The following ZNF16 variants were observed in gnomAD, a reference collection of about 807,000 sequenced individuals.
The protein encoded by ZNF16 is zinc finger protein 16, also known as zinc finger protein KOX9.
Under a neutral mutation model 9.0 loss-of-function variants are expected in ZNF16, and 7 were observed. The ratio of observed to expected loss-of-function variants is 0.78; its 90% confidence interval spans 0.44 to 1.47. The LOEUF is 1.47. Ranked by LOEUF, ZNF16 falls within the 40% of genes most tolerant of loss-of-function variation. The pLI, the probability that ZNF16 is intolerant of heterozygous loss-of-function variation, is 0.01. For missense variants in ZNF16, 830 were observed against 854.2 expected, an observed-to-expected ratio of 0.97 and a Z score of 0.35; for synonymous variants, 312 against 301.5, an observed-to-expected ratio of 1.03 and a Z score of -0.36.
At chr8:144,938,336 C>T (rs1833730556) in intron 2 of ZNF16, among the ~76,000 whole-genome samples, 1 of 152,230 alleles carries the variant, frequency 6.6e-6, no homozygotes, top group Non-Finnish European at 1.5e-5. Flanking sequence ...GGCATTGAAT[C>T]TGTAGAACAC....
intron 2 of ZNF16, among the ~76,000 whole-genome samples, chr8:144,936,581 G>A (rs141625634): frequency 1.3e-5 from 2 of 152,208 alleles, no homozygotes; most frequent in Non-Finnish European, 2.9e-5. Context: ...ACATCCTAAT[G>A]AATGTGAAAT....
intron 1 of ZNF16, among the ~76,000 whole-genome samples, chr8:144,950,165 T>C (rs1586964372): frequency 1.3e-5 from 2 of 151,768 alleles, no homozygotes; most frequent in South Asian, 4.1e-4. Flanking sequence ...TTAAACTTAA[T>C]TATGGCACAG....
chr8:144,943,228 C>T (rs549513061), intron 2 of ZNF16, among the ~76,000 whole-genome samples: 1 of 152,172 alleles, frequency 6.6e-6, no homozygotes, highest in Non-Finnish European at 1.5e-5. Flanking sequence ...AAATCTTACC[C>T]AGAACCCCTT....
chr8:144,941,082 G>T (rs1228698216), intron 2 of ZNF16, among the ~76,000 whole-genome samples: 1 of 152,168 alleles, frequency 6.6e-6, no homozygotes, highest in East Asian at 1.9e-4. Context: ...CGTCCATTAG[G>T]TCTAGTTGGG....
intron 2 of ZNF16, among the ~76,000 whole-genome samples, chr8:144,934,978 A>G (rs552265146): frequency 1.8e-4 from 28 of 152,238 alleles, no homozygotes; most frequent in African/African-American, 6.0e-4. Context: ...AGAGATGGCG[A>G]CCATGAGGAA....
intron 2 of ZNF16, 63 bp downstream of exon 2, chr8:144,945,948 A>G (rs750466119): frequency 2.5e-6 from 4 of 1,592,986 alleles, no homozygotes; most frequent in South Asian, 1.1e-5. Flanking sequence ...GGGTAAGCAC[A>G]GGGTTCCATG....
chr8:144,940,566 C>T (rs913655264), intron 2 of ZNF16, among the ~76,000 whole-genome samples: 1 of 152,162 alleles, frequency 6.6e-6, no homozygotes, highest in African/African-American at 2.4e-5. Flanking sequence ...AGAGAAGATA[C>T]TTTGTGTAAT....
At chr8:144,949,869 C>T (rs1039758435) in intron 1 of ZNF16, among the ~76,000 whole-genome samples, 8 of 152,166 alleles carry the variant, frequency 5.3e-5, no homozygotes, top group Non-Finnish European at 7.3e-5. Flanking sequence ...CCCAGCCCAA[C>T]GCCCGTAAAG....
chr8:144,934,349 G>A (rs1300533243), intron 2 of ZNF16, among the ~76,000 whole-genome samples: 6 of 152,240 alleles, frequency 3.9e-5, no homozygotes, highest in Non-Finnish European at 8.8e-5. Context: ...CTCTCCCACA[G>A]AGCTGCCCTA....
chr8:144,949,620 T>A (rs1478499840), intron 1 of ZNF16, among the ~76,000 whole-genome samples: 2 of 152,220 alleles, frequency 1.3e-5, no homozygotes, highest in Non-Finnish European at 2.9e-5. Flanking sequence ...ACATGTGTTG[T>A]ATGGAATCAA....
In ZNF16 at chr8:144,931,661, G is replaced by C. The variant is rs1833545705; in HGVS notation, c.1126C>G (p.Pro376Ala). Residue 376 changes from proline to alanine, a missense_variant, in exon 3 of 3, where the codon CCT (proline) becomes GCT (alanine). Physicochemically the swap from Pro to Ala is conservative, Grantham distance 27 (BLOSUM62 -1). Transcript: ENST00000394909. ...KHHRTHTGEK[P>A]FECGECGKAF... Reference sequence around the variant, plus strand: ...TTCCCACACTCGCCACACTCAAAAGGCTTCTCTCCTGTGTGAGTCCTGTGG... The same window carrying C: ...TTCCCACACTCGCCACACTCAAAAGCCTTCTCTCCTGTGTGAGTCCTGTGG... The C allele has an allele frequency of 1.2e-5, 20 of 1,613,692 alleles. No individual in the cohort carries two copies. Among genetic ancestry groups the C allele is most frequent in the Non-Finnish European group, 1.7e-5 (20 of 1,179,918 alleles).
intron 2 of ZNF16, among the ~76,000 whole-genome samples, chr8:144,936,233 C>T (rs1030362541): frequency 1.9e-4 from 29 of 152,186 alleles, no homozygotes; most frequent in African/African-American, 5.3e-4. Flanking sequence ...GGTTTATCCG[C>T]GTGTAGCAGG....
At position 144,932,046 on chromosome 8, in the gene ZNF16, G is replaced by A; in HGVS notation, c.741C>T (p.Ser247=). The change falls in exon 3 of 3, where the codon AGC becomes AGT. Residue 247 remains serine (S), a synonymous_variant. Coordinates refer to ENST00000394909, the MANE Select transcript of ZNF16 (RefSeq NM_006958.3). This position sits in a 1 kb window ranked among gnomAD's most constrained non-coding sequence, Gnocchi z 5.0. The stretch of plus-strand genomic sequence containing the variant: ...GACGGTTTTTAAGAACTGAGTTCTG[G>A]CTGAAGGTTTTCCCACAATCATCAC... The part of the protein sequence containing the change: ...FMCDDCGKTF[S]QNSVLKNRHR... The A allele has an allele frequency of 6.2e-7, 1 of 1,614,130 alleles. No individual in the cohort carries two copies. Among genetic ancestry groups the A allele is most frequent in the Non-Finnish European group, 8.5e-7 (1 of 1,180,030 alleles).
intron 2 of ZNF16, among the ~76,000 whole-genome samples, chr8:144,940,180 G>A (rs1436205802): frequency 6.6e-6 from 1 of 152,016 alleles, no homozygotes; most frequent in Admixed American, 6.6e-5. Flanking sequence ...CTAAGCTTAG[G>A]TGATCTTCCT....
chr8:144,950,859 G>A lies in ZNF16; in HGVS notation c.-72C>T, dbSNP rs1834101273. On this transcript the variant is annotated 5_prime_UTR_variant, in exon 1 of 3. Coordinates refer to ENST00000394909, the MANE Select transcript of ZNF16 (RefSeq NM_006958.3). Reference sequence around the variant, plus strand: ...GCACGAAGACGTCTCAGCCAACGCCGGCTGACCCCCGGAAGTCCCGCCCCG... The same window carrying A: ...GCACGAAGACGTCTCAGCCAACGCCAGCTGACCCCCGGAAGTCCCGCCCCG... 1.3e-5 allele frequency: 2 copies of A among 152,172 alleles called. No individual in the cohort carries two copies. Among genetic ancestry groups the A allele is most frequent in the East Asian group, 1.9e-4 (1 of 5,166 alleles). 9.4% of individuals were successfully genotyped at this position (152,172 alleles called of 1,614,324 possible).
chr8:144,932,647 A>T lies in ZNF16; in HGVS notation c.197-57T>A, dbSNP rs1833586334. ...GCAGTGCTGCAGCAGGAGCAGGAAC[A>T]TAGACAGTCACAGTTGCACCCACTA... On this transcript the variant is annotated intron_variant, in intron 2 of 2. Transcript: ENST00000394909. The surrounding 1 kb of genome is among the most constrained non-coding windows in gnomAD (Gnocchi z 5.0). The T allele has an allele frequency of 5.8e-6, 9 of 1,560,246 alleles. No individual in the cohort carries two copies. The Admixed American group carries it at 1.6e-4, about 28-fold the overall frequency.
In ZNF16 at chr8:144,945,717, C is replaced by T. The variant is rs184673709; in HGVS notation, c.196+294G>A. On this transcript the variant is annotated intron_variant, in intron 2 of 2. Transcript: ENST00000394909. ...CCTGAGGGGAGAGGGCTGCCACCAGCCTGGTTGTTGAATTGGGAAGGGGTC... is the reference window on the plus strand; with the variant it reads ...CCTGAGGGGAGAGGGCTGCCACCAGTCTGGTTGTTGAATTGGGAAGGGGTC... 2.8e-4 allele frequency: 89 copies of T among 313,122 alleles called. 1 individual carries two copies. Among genetic ancestry groups the T allele is most frequent in the Non-Finnish European group, 7.0e-5 (12 of 171,058 alleles). The allele number at this position is 313,122 out of a possible 1,614,324, so 19.4% of individuals were successfully genotyped here.
chr8:144,934,617 T>C (rs1369417140), intron 2 of ZNF16, among the ~76,000 whole-genome samples: 4 of 152,204 alleles, frequency 2.6e-5, no homozygotes, highest in Non-Finnish European at 5.9e-5. Flanking sequence ...TCTTCAGCCC[T>C]GACAGAGATG....
rs1171648211 is a variant in ZNF16 at position 144,931,842 on chromosome 8, G to A, written c.945C>T (p.His315=). The A allele has an allele frequency of 1.2e-6, 2 of 1,614,196 alleles. No homozygotes were observed. Among genetic ancestry groups the A allele is most frequent in the South Asian group, 1.1e-5 (1 of 91,084 alleles). Residue 315 remains histidine (H), a synonymous_variant, in exon 3 of 3, where the codon CAC becomes CAT. Transcript: ENST00000394909. ...NSSLKKHQKS[H]MSEKPYECNE... ...TGCATTCATAGGGCTTCTCACTCAT[G>A]TGAGACTTTTGGTGCTTTTTAAGGC...
Sources: gnomAD v4.1 joint callset for allele counts (sites outside exome capture counted in the v4.1 genomes callset) on GRCh38, gnomAD v4.1.1 for gene constraint, Gnocchi (gnomAD v3.1) non-coding constraint, MANE v1.5 for transcripts, NCBI Gene and HGNC (gene_info 2026-07-23, HGNC 2026-07-21) for gene names.